GNAI1: variants seen among roughly 807,000 people sequenced by gnomAD.
GNAI1 encodes guanine nucleotide-binding protein G(i) subunit alpha-1.
A neutral mutation model predicts 38.9 loss-of-function variants in GNAI1; 11 were observed. The observed-to-expected ratio is 0.28, with a 90% CI of 0.18 to 0.47. The LOEUF (loss-of-function observed/expected upper bound fraction) is 0.47, where lower values mean the gene tolerates loss of function less well. Ranked by LOEUF, GNAI1 falls within the 20% of genes least tolerant of loss-of-function variation. GNAI1 has a pLI of 0.99. For missense variants in GNAI1, 317 were observed against 436.9 expected, an observed-to-expected ratio of 0.73 and a Z score of 2.45; for synonymous variants, 166 against 145.1, an observed-to-expected ratio of 1.14 and a Z score of -1.04.
intron 1 of GNAI1, among the ~76,000 whole-genome samples, chr7:80,147,134 A>T (rs1787636721): frequency 6.6e-6 from 1 of 152,122 alleles, no homozygotes; most frequent in Admixed American, 6.6e-5. Context: ...TCAGGCTGAA[A>T]GAGCCCCAAT....
chr7:80,217,656 G>GA lies in GNAI1; in HGVS notation c.*165dup. On this transcript the variant is annotated 3_prime_UTR_variant, in exon 8 of 8. Coordinates refer to ENST00000649796, the MANE Select transcript of GNAI1 (RefSeq NM_002069.6). ...TTTGTTTTTTTAACTGAAAGTAACA[G>GA]AAGGACCTTTCTTAAATGTGACAGA... is the stretch of plus-strand genomic sequence containing the variant. The GA allele has an allele frequency of 4.4e-6, 2 of 458,692 alleles. No homozygotes were observed. Among genetic ancestry groups the GA allele is most frequent in the Non-Finnish European group, 7.7e-6 (2 of 259,056 alleles). The allele number at this position is 458,692 out of a possible 1,614,324, so 28.4% of individuals were successfully genotyped here.
At chr7:80,174,729 C>T (rs563316089) in intron 1 of GNAI1, among the ~76,000 whole-genome samples, 5 of 152,104 alleles carry the variant, frequency 3.3e-5, no homozygotes, top group East Asian at 3.9e-4. Context: ...GCTCTTGGAT[C>T]GCATAAACCG....
In GNAI1 at chr7:80,134,855, TGCGGCGCGGCCACCGGCGGGA is replaced by T; in HGVS notation, c.-304_-284del. 4.9e-6 allele frequency: 1 copy of T among 202,294 alleles called. No individual in the cohort carries two copies. Among genetic ancestry groups the T allele is most frequent in the African/African-American group, 2.3e-5 (1 of 42,724 alleles). The allele number at this position is 202,294 out of a possible 1,614,324, so 12.5% of individuals were successfully genotyped here. ...CGAGCTCGGCTGGGCTTGGCGAGGC[TGCGGCGCGGCCACCGGCGGGA>T]GTGCAGCGGCCACTGTACCCAGAGA... On this transcript the variant is annotated 5_prime_UTR_variant, in exon 1 of 8. Transcript: ENST00000649796.
chr7:80,221,306 T>C lies in GNAI1; in HGVS notation c.*3813T>C, dbSNP rs1789069888. ...ATGGTTGTTGTCAGCATTAAATAAG[T>C]TCACAGTACATGTTAAGTACCTAGA... On this transcript the variant is annotated 3_prime_UTR_variant, in exon 8 of 8. Transcript: ENST00000649796. Among the ~76,000 whole-genome samples the C allele has an allele frequency of 6.6e-6, 1 of 152,208 alleles. No homozygotes were observed. The highest frequency in any genetic ancestry group is 2.1e-4 in the South Asian group (1 of 4,832).
At chr7:80,174,456 T>G (rs1391357473) in intron 1 of GNAI1, among the ~76,000 whole-genome samples, 1 of 123,904 alleles carries the variant, frequency 8.1e-6, no homozygotes, top group Non-Finnish European at 1.9e-5. Flanking sequence ...TCTTCTGCTG[T>G]TTTTTTTTTT....
At chr7:80,167,843 CAT>C (rs1445816077) in intron 1 of GNAI1, among the ~76,000 whole-genome samples, 3 of 152,296 alleles carry the variant, frequency 2.0e-5, no homozygotes, top group African/African-American at 4.8e-5. Context: ...AAAGTCAACA[CAT>C]ATCAAAATCA....
At chr7:80,199,559 A>G (rs1020110007) in intron 4 of GNAI1, among the ~76,000 whole-genome samples, 177 bp downstream of exon 4, 4 of 151,856 alleles carry the variant, frequency 2.6e-5, no homozygotes, top group Non-Finnish European at 5.9e-5. Flanking sequence ...GTAGATAGCA[A>G]CGTTATTTCC....
intron 5 of GNAI1, among the ~76,000 whole-genome samples, chr7:80,205,917 T>A (rs943416648): frequency 3.9e-5 from 6 of 152,124 alleles, no homozygotes; most frequent in Non-Finnish European, 7.4e-5. Context: ...GATTAGGCTT[T>A]GCTTCAGCTA....
chr7:80,203,360 G>A (rs1364734091), intron 4 of GNAI1, among the ~76,000 whole-genome samples: 9 of 151,006 alleles, frequency 6.0e-5, no homozygotes, highest in Admixed American at 5.3e-4. Context: ...CAAAAGGTGT[G>A]ATAAAGAATT....
At chr7:80,142,996 T>C (rs867526050) in intron 1 of GNAI1, among the ~76,000 whole-genome samples, 2 of 152,236 alleles carry the variant, frequency 1.3e-5, no homozygotes, top group Non-Finnish European at 2.9e-5. Context: ...ATTTAATATA[T>C]ACTCACAACT....
At chr7:80,188,588 A>G (rs1788426648) in intron 1 of GNAI1, among the ~76,000 whole-genome samples, 1 of 152,196 alleles carries the variant, frequency 6.6e-6, no homozygotes, top group Non-Finnish European at 1.5e-5. Flanking sequence ...TACAAAATAT[A>G]TGTATCAAAA....
intron 5 of GNAI1, among the ~76,000 whole-genome samples, chr7:80,204,975 A>G (rs993702063): frequency 6.6e-6 from 1 of 152,140 alleles, no homozygotes; most frequent in Non-Finnish European, 1.5e-5. Context: ...ATTTCAGTAC[A>G]TTGAAGCTAA....
At chr7:80,177,805 T>C (rs1174966297) in intron 1 of GNAI1, among the ~76,000 whole-genome samples, 1 of 152,224 alleles carries the variant, frequency 6.6e-6, no homozygotes, top group Non-Finnish European at 1.5e-5. Flanking sequence ...TAACACAGTA[T>C]TTGTTCTGCA....
rs550618747 is a variant in GNAI1, at chr7:80,182,223, C to T, written c.119-6728C>T. ...AATAATATTTCATTGTGTATATATA[C>T]ACAACATTTTCTTCATTCATCTCTT... On this transcript the variant is annotated intron_variant, in intron 1 of 7. Coordinates refer to ENST00000649796, the MANE Select transcript of GNAI1 (RefSeq NM_002069.6). Among the ~76,000 whole-genome samples the T allele has an allele frequency of 2.0e-5, 3 of 152,234 alleles. No individual in the cohort carries two copies. The South Asian group carries it at 6.2e-4, about 32-fold the overall frequency.
chr7:80,162,478 T>C (rs562171925), intron 1 of GNAI1, among the ~76,000 whole-genome samples: 1 of 152,334 alleles, frequency 6.6e-6, no homozygotes, highest in Non-Finnish European at 1.5e-5. Context: ...GGTACACAGC[T>C]GTATGGCAAG....
In GNAI1 at chr7:80,207,353, C is replaced by T. The variant is rs1053457312; in HGVS notation, c.590+3521C>T. 3.5e-4 allele frequency among the ~76,000 whole-genome samples: 54 copies of T among 152,158 alleles called. 1 individual carries two copies. The highest frequency in any genetic ancestry group is 6.8e-3 in the Middle Eastern group (2 of 294). ...GTTTTCACTTCCAGCCTAGGTTTTT[C>T]AAACTTGTCATTTCAACATCCAGCA... On this transcript the variant is annotated intron_variant, in intron 5 of 7. Coordinates refer to ENST00000649796, the MANE Select transcript of GNAI1 (RefSeq NM_002069.6).
At chr7:80,170,109 T>C (rs1176925057) in intron 1 of GNAI1, among the ~76,000 whole-genome samples, 1 of 152,246 alleles carries the variant, frequency 6.6e-6, no homozygotes, top group East Asian at 1.9e-4. Flanking sequence ...TTTGCTATTA[T>C]GATGCTGCTA....
At chr7:80,138,507 A>G (rs1053266281) in intron 1 of GNAI1, among the ~76,000 whole-genome samples, 3 of 152,016 alleles carry the variant, frequency 2.0e-5, no homozygotes, top group African/African-American at 4.8e-5. Flanking sequence ...AGTTTTTTAT[A>G]TAATAATGTC....
rs374375416 is a variant in GNAI1 at position 80,215,165 on chromosome 7, C to CT, written c.875-2137dup. On this transcript the variant is annotated intron_variant, in intron 7 of 7. Coordinates refer to ENST00000649796, the MANE Select transcript of GNAI1 (RefSeq NM_002069.6). ...ATTCTATCACACATTAAAAAACAAT[C>CT]TATCATATTTGCTCTCCTGTCCCTG... 2.4e-3 allele frequency among the ~76,000 whole-genome samples: 370 copies of CT among 152,302 alleles called. 3 individuals are homozygous for CT. Among genetic ancestry groups the CT allele is most frequent in the African/African-American group, 8.7e-3 (361 of 41,572 alleles).
Sources: allele counts gnomAD v4.1 joint callset (sites outside exome capture counted in the v4.1 genomes callset), GRCh38; gene constraint gnomAD v4.1.1; transcripts MANE v1.5; gene names NCBI Gene and HGNC (gene_info 2026-07-23, HGNC 2026-07-21).